Variants in FGL1 observed in about 807,000 individuals in gnomAD.
FGL1 encodes the protein fibrinogen-like protein 1.
In FGL1, 59 loss-of-function variants were observed where a neutral mutation model predicts 43.7. That is an observed-to-expected ratio of 1.35 (90% CI 1.10 to 1.68). The LOEUF is 1.68. Ranked by LOEUF, FGL1 falls within the 40% of genes most tolerant of loss-of-function variation. The pLI, the probability that FGL1 is intolerant of heterozygous loss-of-function variation, is 0.00. For synonymous variants in FGL1, 192 were observed against 126.5 expected (o/e 1.52, Z -3.48); for missense variants, 596 against 373.0 (o/e 1.60, Z -4.92).
rs34570292 is a variant in FGL1, at chr8:17,881,138, A to ATTTTTTTTTTTTTTTTTTTTT, written c.244+860_244+861insAAAAAAAAAAAAAAAAAAAAA. On this transcript the variant is annotated intron_variant, in intron 3 of 7. Transcript: ENST00000427924. Reference sequence around the variant, plus strand: ...ATTGTAATCTGCCATGTGTACACGGATTTTTTTTTTTTTTTTGAGACAGAG... The same window carrying ATTTTTTTTTTTTTTTTTTTTT: ...ATTGTAATCTGCCATGTGTACACGGATTTTTTTTTTTTTTTTTTTTTTTTTTTTTTTTTTTTTGAGACAGAG... Among the ~76,000 whole-genome samples the ATTTTTTTTTTTTTTTTTTTTT allele has an allele frequency of 9.0e-4, 129 of 142,914 alleles. 11 individuals are homozygous for ATTTTTTTTTTTTTTTTTTTTT. Among genetic ancestry groups the ATTTTTTTTTTTTTTTTTTTTT allele is most frequent in the African/African-American group, 3.3e-3 (120 of 36,810 alleles). 93.8% of individuals were successfully genotyped at this position (142,914 alleles called of 152,430 possible).
At chr8:17,883,082 T>C (rs1330002501) in intron 2 of FGL1, among the ~76,000 whole-genome samples, 1 of 64,694 alleles carries the variant, frequency 1.5e-5, no homozygotes, top group Non-Finnish European at 2.4e-5. Context: ...AAATATATAA[T>C]ATATATCATA....
intron 1 of FGL1, among the ~76,000 whole-genome samples, chr8:17,891,088 C>G (rs926864779): frequency 6.6e-6 from 1 of 152,130 alleles, no homozygotes. Context: ...TCTACCTACT[C>G]CAACCGCCCT....
At chr8:17,878,353 A>G (rs897652512) in intron 3 of FGL1, among the ~76,000 whole-genome samples, 1 of 152,184 alleles carries the variant, frequency 6.6e-6, no homozygotes, top group African/African-American at 2.4e-5. Context: ...CACAGAGGTT[A>G]TGTAATGTCC....
chr8:17,890,771 C>A (rs1007486042), intron 1 of FGL1, among the ~76,000 whole-genome samples: 1 of 152,124 alleles, frequency 6.6e-6, no homozygotes, highest in Non-Finnish European at 1.5e-5. Flanking sequence ...ACATGTCCTT[C>A]TTCACATGAT....
intron 7 of FGL1, among the ~76,000 whole-genome samples, chr8:17,866,025 A>C (rs990816124): frequency 6.6e-6 from 1 of 152,234 alleles, no homozygotes. Flanking sequence ...GTAATGTTAA[A>C]AAAAGAAAAT....
chr8:17,878,518 G>C lies in FGL1; in HGVS notation c.244+3481C>G, dbSNP rs568995871. ...ATGCTGGAGCCAGTGGTGTTGTCAA[G>C]TGAACGGCGGTGGTGACGCCAGATT... On this transcript the variant is annotated intron_variant, in intron 3 of 7. Transcript: ENST00000427924. Among the ~76,000 whole-genome samples the C allele has an allele frequency of 4.2e-4, 64 of 152,288 alleles. 1 individual carries two copies. The highest frequency in any genetic ancestry group is 3.4e-3 in the Middle Eastern group (1 of 294).
At chr8:17,881,506 C>T (rs1031876670) in intron 3 of FGL1, among the ~76,000 whole-genome samples, 1 of 151,040 alleles carries the variant, frequency 6.6e-6, no homozygotes, top group African/African-American at 2.4e-5. Context: ...AGATATTTAG[C>T]ATTCACATTA....
At chr8:17,877,950 T>G (rs1293068514) in intron 3 of FGL1, among the ~76,000 whole-genome samples, 1 of 152,162 alleles carries the variant, frequency 6.6e-6, no homozygotes, top group East Asian at 1.9e-4. Flanking sequence ...TTAAATATAT[T>G]AACTCATTTT....
chr8:17,890,762 C>T (rs1563463292), intron 1 of FGL1, among the ~76,000 whole-genome samples: 1 of 152,156 alleles, frequency 6.6e-6, no homozygotes, highest in Non-Finnish European at 1.5e-5. Context: ...GGGAAGCAAA[C>T]ATGTCCTTCT....
intron 3 of FGL1, among the ~76,000 whole-genome samples, chr8:17,876,030 A>T (rs543244332): frequency 6.6e-6 from 1 of 152,310 alleles, no homozygotes; most frequent in Admixed American, 6.5e-5. Context: ...TATTGTTCAG[A>T]TGCATAGAAA....
intron 7 of FGL1, among the ~76,000 whole-genome samples, chr8:17,865,403 G>C (rs17125751): frequency 0.041 from 6,221 of 152,188 alleles, 420 homozygotes; most frequent in African/African-American, 0.14. Flanking sequence ...CTAAGACTTA[G>C]CTTTCATAAT....
At chr8:17,866,478 G>A (rs2053271297) in intron 7 of FGL1, among the ~76,000 whole-genome samples, 1 of 152,208 alleles carries the variant, frequency 6.6e-6, no homozygotes, top group Admixed American at 6.5e-5. Context: ...CTCACTGATA[G>A]TAGGCATGGT....
chr8:17,887,007 C>T (rs1235698315), intron 1 of FGL1, among the ~76,000 whole-genome samples: 1 of 152,138 alleles, frequency 6.6e-6, no homozygotes, highest in East Asian at 1.9e-4. Context: ...TTCTCGTACC[C>T]TTTCAGAATA....
rs78920530 is a variant in FGL1 at position 17,884,583 on chromosome 8, T to G, written c.63+909A>C. On this transcript the variant is annotated intron_variant, in intron 2 of 7. Transcript: ENST00000427924. The stretch of plus-strand genomic sequence containing the variant: ...TGAGATAGTTATTTGCTTAGCACCT[T>G]GAGTCACATAGGCTAAAAAATGAAC... 1.2e-3 allele frequency among the ~76,000 whole-genome samples: 187 copies of G among 152,312 alleles called. 3 individuals are homozygous for G. The East Asian group carries it at 0.033, about 27-fold the overall frequency.
chr8:17,890,429 GA>G (rs1051624581), intron 1 of FGL1, among the ~76,000 whole-genome samples: 9 of 152,024 alleles, frequency 5.9e-5, no homozygotes, highest in African/African-American at 2.2e-4. Flanking sequence ...GGCATTTTTG[GA>G]AAACCCTGAA....
chr8:17,877,287 C>T (rs2053470627), intron 3 of FGL1, among the ~76,000 whole-genome samples: 1 of 151,982 alleles, frequency 6.6e-6, no homozygotes, highest in Non-Finnish European at 1.5e-5. Flanking sequence ...TAGACAGAGG[C>T]CAAGGCATCC....
chr8:17,875,850 G>A (rs7842387), intron 3 of FGL1, among the ~76,000 whole-genome samples: 78,378 of 151,746 alleles, frequency 0.52, 23,017 homozygotes, highest in Non-Finnish European at 0.68. Flanking sequence ...CAGGCCATCC[G>A]CCCGCCTCGG....
At chr8:17,885,647 C>A (rs956184507) in intron 1 of FGL1, 76 bp from the exon 2 acceptor site, 2 of 1,260,142 alleles carry the variant, frequency 1.6e-6, no homozygotes, top group African/African-American at 1.5e-5. Flanking sequence ...ACTTCAGTAG[C>A]TCCAGGAAGT....
chr8:17,885,802 T>C, intron 1 of FGL1: 1 of 470,952 alleles, frequency 2.1e-6, no homozygotes, highest in Non-Finnish European at 3.8e-6. Context: ...AGGACTCTGG[T>C]TCTTTTCGCT....
Sources: allele counts gnomAD v4.1 joint callset (sites outside exome capture counted in the v4.1 genomes callset), GRCh38; gene constraint gnomAD v4.1.1; transcripts MANE v1.5; gene names NCBI Gene and HGNC (gene_info 2026-07-23, HGNC 2026-07-21).